Variants in STK31 observed in about 807,000 individuals in gnomAD.
STK31 encodes the protein serine/threonine-protein kinase 31.
STK31 carries 89 observed loss-of-function variants against 129.7 expected under a neutral mutation model. The observed-to-expected ratio is 0.69, with a 90% CI of 0.58 to 0.82. The LOEUF (loss-of-function observed/expected upper bound fraction) is 0.82, where lower values mean the gene tolerates loss of function less well. STK31 is among the 40% of genes least tolerant of loss of function. The pLI is 0.00. For missense variants in STK31, 1,187 were observed against 1,176.4 expected (o/e 1.01, Z -0.13); for synonymous variants, 448 against 395.3 (o/e 1.13, Z -1.58).
At chr7:23,746,190 A>C (rs895112222) in intron 8 of STK31, among the ~76,000 whole-genome samples, 1 of 152,160 alleles carries the variant, frequency 6.6e-6, no homozygotes, top group African/African-American at 2.4e-5. Context: ...GGGACCCAAC[A>C]TGAGCTCCCT....
At chr7:23,746,773 G>A (rs1788378127) in intron 8 of STK31, among the ~76,000 whole-genome samples, 1 of 152,004 alleles carries the variant, frequency 6.6e-6, no homozygotes, top group South Asian at 2.1e-4. Context: ...TCTCACAGGT[G>A]ACAGAGATGG....
At chr7:23,757,321 A>G (rs554627665) in intron 10 of STK31, among the ~76,000 whole-genome samples, 33 of 152,236 alleles carry the variant, frequency 2.2e-4, no homozygotes, top group Admixed American at 5.9e-4. Context: ...AGTGGGCCCA[A>G]GGGACCGGCG....
intron 4 of STK31, among the ~76,000 whole-genome samples, chr7:23,718,035 A>G (rs1467165421): frequency 6.6e-6 from 1 of 152,204 alleles, no homozygotes; most frequent in Non-Finnish European, 1.5e-5. Flanking sequence ...AGGTTGCAGA[A>G]CAGTATGAAT....
At chr7:23,810,098 A>T (rs573914154) in intron 22 of STK31, among the ~76,000 whole-genome samples, 2 of 152,108 alleles carry the variant, frequency 1.3e-5, no homozygotes, top group Admixed American at 6.6e-5. Flanking sequence ...ATATGTACAT[A>T]TTTAGGATTG....
intron 11 of STK31, 98 bp from the exon 12 acceptor site, chr7:23,768,897 T>G: frequency 2.0e-6 from 2 of 982,934 alleles, no homozygotes; most frequent in Non-Finnish European, 2.8e-6. Context: ...AGAATGGGGA[T>G]TCAGCATACT....
Position 23,785,544 on chromosome 7 carries a change from C to T in STK31, c.2215C>T (p.Leu739Phe). The change falls in exon 18 of 24, where the codon CTT (leucine) becomes TTT (phenylalanine). Residue 739 changes from leucine to phenylalanine, a missense_variant. Around this residue, in one of 5 missense-constraint regions of STK31, gnomAD observed 975 missense variants for 934.9 expected, o/e 1.04. Transcript: ENST00000355870. ...TCTTGATGCTGAGCCCATGAAGGAA[C>T]TTAGCAGCAAGCGTCCTTTGGTACG... ...DLLDAEPMKE[L>F]SSKRPLVRSE... The T allele has an allele frequency of 6.2e-7, 1 of 1,613,954 alleles. No homozygotes were observed.
chr7:23,827,879 G>C (rs1160953647), intron 23 of STK31, among the ~76,000 whole-genome samples: 1 of 152,166 alleles, frequency 6.6e-6, no homozygotes, highest in Admixed American at 6.5e-5. Flanking sequence ...TGTTTGTCTA[G>C]GTATCAGCAG....
chr7:23,722,395 A>G (rs550758374), intron 4 of STK31: 1 of 153,978 alleles, frequency 6.5e-6, no homozygotes, highest in East Asian at 1.9e-4. Flanking sequence ...GAGGCTGCAG[A>G]ACAGCAAATA....
In STK31 at chr7:23,790,952, T is replaced by G. The variant is rs752309246; in HGVS notation, c.2760+6T>G. 1 of 1,544,494 alleles carries G rather than the reference T, an allele frequency of 6.5e-7. No homozygotes were observed. The highest frequency in any genetic ancestry group is 8.7e-7 in the Non-Finnish European group (1 of 1,153,298). ...ATGGCTGCCTCTTATTATGGGTATG[T>G]TATTTTTTTGTTGAAATAGATCATA... On this transcript the variant is annotated splice_donor_region_variant and intron_variant, in intron 22 of 23. Coordinates refer to ENST00000355870, the MANE Select transcript of STK31 (RefSeq NM_031414.5).
intron 8 of STK31, among the ~76,000 whole-genome samples, chr7:23,747,769 A>G (rs1005930313): frequency 1.3e-5 from 2 of 152,170 alleles, no homozygotes; most frequent in Admixed American, 6.5e-5. Context: ...GTTGTTCATA[A>G]TATTTTTAAG....
rs150648117 is a variant in STK31, at chr7:23,796,036, A to G, written c.2760+5090A>G. ...TTTGGGGGACTGTTGAGAAGGCATG[A>G]TTGTTTTTGAAATGTGAAGACATGA... On this transcript the variant is annotated intron_variant, in intron 22 of 23. Transcript: ENST00000355870. Among the ~76,000 whole-genome samples the G allele has an allele frequency of 9.2e-3, 1,394 of 152,268 alleles. 25 individuals are homozygous for G. Among genetic ancestry groups the G allele is most frequent in the African/African-American group, 0.033 (1,351 of 41,566 alleles).
intron 4 of STK31, among the ~76,000 whole-genome samples, chr7:23,724,933 C>G (rs1007004981): frequency 1.3e-5 from 2 of 152,078 alleles, no homozygotes; most frequent in Non-Finnish European, 1.5e-5. Context: ...GTGGATTTGT[C>G]CTAGTTCAGA....
intron 3 of STK31, among the ~76,000 whole-genome samples, chr7:23,713,892 C>G (rs997172434): frequency 1.3e-5 from 2 of 151,874 alleles, no homozygotes; most frequent in Admixed American, 1.3e-4. Flanking sequence ...ACACACACAC[C>G]AGTGACATAG....
intron 11 of STK31, among the ~76,000 whole-genome samples, chr7:23,763,924 A>G (rs1440583129): frequency 6.6e-6 from 1 of 152,162 alleles, no homozygotes; most frequent in Non-Finnish European, 1.5e-5. Flanking sequence ...CAGTTACCCT[A>G]GTACTAAGCT....
Position 23,772,178 on chromosome 7 carries a change from A to C in STK31, c.1865A>C (p.Lys622Thr). ...FKKQLIEYLN[K>T]SPSVDHLLSI... ...AAGCAGCTTATTGAATATTTAAATA[A>C]GAGTCCCAGTGTGGATCACTTGCTA... Residue 622 changes from lysine to threonine, a missense_variant, in exon 15 of 24, where the codon AAG becomes ACG. Lys to Thr is a moderately conservative substitution (Grantham distance 78, BLOSUM62 -1). Coordinates refer to ENST00000355870, the MANE Select transcript of STK31 (RefSeq NM_031414.5). 3 of 1,590,078 alleles carry C rather than the reference A, an allele frequency of 1.9e-6. No individual in the cohort carries two copies. Among genetic ancestry groups the C allele is most frequent in the Non-Finnish European group, 2.6e-6 (3 of 1,169,962 alleles).
At chr7:23,740,738 A>G (rs1352641841) in intron 8 of STK31, among the ~76,000 whole-genome samples, 1 of 152,088 alleles carries the variant, frequency 6.6e-6, no homozygotes, top group African/African-American at 2.4e-5. Flanking sequence ...GAGTGAGAAC[A>G]TGCGGTGTTT....
intron 16 of STK31, 63 bp from the exon 17 acceptor site, chr7:23,783,520 G>A (rs1214018274): frequency 1.9e-5 from 23 of 1,202,830 alleles, no homozygotes; most frequent in Non-Finnish European, 2.7e-5. Flanking sequence ...TTCCTGAAGA[G>A]CAACATGTCA....
chr7:23,729,279 A>G, intron 6 of STK31, 30 bp downstream of exon 6: 2 of 1,552,162 alleles, frequency 1.3e-6, no homozygotes, highest in Non-Finnish European at 1.7e-6. Flanking sequence ...TATTTTTGCT[A>G]ATGAAAGTAA....
At chr7:23,808,165 A>ATTTTT (rs1488099575) in intron 22 of STK31, among the ~76,000 whole-genome samples, 1 of 119,500 alleles carries the variant, frequency 8.4e-6, no homozygotes, top group South Asian at 2.9e-4. Context: ...ATATATATAT[A>ATTTTT]TATATTTTTT....
Sources: gnomAD v4.1 joint callset for allele counts (sites outside exome capture counted in the v4.1 genomes callset) on GRCh38, gnomAD v4.1.1 for gene constraint, gnomAD v4.1.1 regional missense constraint, MANE v1.5 for transcripts, NCBI Gene and HGNC (gene_info 2026-07-23, HGNC 2026-07-21) for gene names.